The following BIN3 variants were observed in gnomAD, a reference collection of about 807,000 sequenced individuals.
The protein encoded by BIN3 is bridging integrator 3.
Under a neutral mutation model 38.2 loss-of-function variants are expected in BIN3, and 41 were observed. The observed-to-expected ratio is 1.07, with a 90% CI of 0.84 to 1.39. BIN3 has a LOEUF of 1.39. Ranked by LOEUF, BIN3 falls within the 40% of genes most tolerant of loss-of-function variation. BIN3 has a pLI of 0.00. For synonymous variants in BIN3, 145 were observed against 122.6 expected, an observed-to-expected ratio of 1.18 and a Z score of -1.21; for missense variants, 361 against 324.3, an observed-to-expected ratio of 1.11 and a Z score of -0.87.
At chr8:22,633,040 T>C (rs1319551222) in intron 4 of BIN3, among the ~76,000 whole-genome samples, 2 of 152,152 alleles carry the variant, frequency 1.3e-5, no homozygotes, top group Non-Finnish European at 2.9e-5. Flanking sequence ...TTCCTAAAGC[T>C]CTTGCATTGT....
chr8:22,661,126 C>T (rs1037903962), intron 1 of BIN3, among the ~76,000 whole-genome samples: 1 of 152,128 alleles, frequency 6.6e-6, no homozygotes, highest in Non-Finnish European at 1.5e-5. Context: ...CTCAAGCGAT[C>T]CTCCCGCCTT....
rs549429488 is a variant in BIN3, at chr8:22,642,731, G to A, written c.57+2024C>T. Among the ~76,000 whole-genome samples the A allele has an allele frequency of 5.3e-5, 8 of 152,326 alleles. No homozygotes were observed. The South Asian group carries it at 1.7e-3, about 32-fold the overall frequency. ...AAACGAGAAAATGAAGGCTCCAGAG[G>A]TTAAGGAACTTGCCCAAGGTCAGAG... is the stretch of plus-strand genomic sequence containing the variant. On this transcript the variant is annotated intron_variant, in intron 2 of 8. Coordinates refer to ENST00000276416, the MANE Select transcript of BIN3 (RefSeq NM_018688.6).
chr8:22,632,604 G>A (rs1308862608), intron 4 of BIN3, among the ~76,000 whole-genome samples: 1 of 151,670 alleles, frequency 6.6e-6, no homozygotes, highest in Non-Finnish European at 1.5e-5. Flanking sequence ...GGATAAAGCT[G>A]GAAATGTTTC....
chr8:22,640,101 AT>A (rs538639085), intron 2 of BIN3, among the ~76,000 whole-genome samples: 247 of 151,878 alleles, frequency 1.6e-3, no homozygotes, highest in African/African-American at 5.8e-3. Context: ...ACCTCAGGTG[AT>A]CCCCCCCGCC....
intron 1 of BIN3, among the ~76,000 whole-genome samples, chr8:22,655,042 T>C (rs1803013364): frequency 6.6e-6 from 1 of 152,246 alleles, no homozygotes. Flanking sequence ...CTGATGTGCA[T>C]TTCTCTAATG....
chr8:22,623,791 C>T, intron 8 of BIN3, 124 bp downstream of exon 8: 1 of 1,271,426 alleles, frequency 7.9e-7, no homozygotes. Flanking sequence ...TCCTTCAGGG[C>T]TTTGCCTGGG....
At chr8:22,630,114 G>A (rs1802141771) in intron 5 of BIN3, 110 bp from the exon 6 acceptor site, 2 of 1,210,684 alleles carry the variant, frequency 1.7e-6, no homozygotes, top group Non-Finnish European at 1.2e-6. Context: ...GCCACAGGGT[G>A]CTGTCCTTGT....
intron 2 of BIN3, among the ~76,000 whole-genome samples, chr8:22,640,108 C>G (rs1254971409): frequency 6.6e-6 from 1 of 152,074 alleles, no homozygotes; most frequent in Non-Finnish European, 1.5e-5. Context: ...GTGATCCCCC[C>G]CGCCTCGGCC....
intron 2 of BIN3, among the ~76,000 whole-genome samples, chr8:22,641,816 G>A (rs577897489): frequency 1.2e-3 from 180 of 152,172 alleles, no homozygotes; most frequent in Non-Finnish European, 1.9e-3. Flanking sequence ...GGGACACGAA[G>A]AGCAAAGCTT....
Position 22,621,328 on chromosome 8 carries a change from G to A in BIN3, c.*94C>T. The A allele has an allele frequency of 6.8e-7, 1 of 1,472,208 alleles. No individual in the cohort carries two copies. Among genetic ancestry groups the A allele is most frequent in the Non-Finnish European group, 9.1e-7 (1 of 1,099,230 alleles). The allele number at this position is 1,472,208 out of a possible 1,614,324, so 91.2% of individuals were successfully genotyped here. On this transcript the variant is annotated 3_prime_UTR_variant, in exon 9 of 9. Coordinates refer to ENST00000276416, the MANE Select transcript of BIN3 (RefSeq NM_018688.6). Reference sequence around the variant, plus strand: ...CGGCAAGTGAACCAGGGCCACCTCTGTCCCCAGCCTGTGAGAGGAGCAGCT... The same window carrying A: ...CGGCAAGTGAACCAGGGCCACCTCTATCCCCAGCCTGTGAGAGGAGCAGCT...
At chr8:22,623,824 G>A (rs1801918997) in intron 8 of BIN3, 91 bp downstream of exon 8, 5 of 1,466,240 alleles carry the variant, frequency 3.4e-6, no homozygotes, top group Non-Finnish European at 4.6e-6. Flanking sequence ...TCTTTACGGA[G>A]AATGGCTAAG....
intron 8 of BIN3, chr8:22,622,790 TGGAG>T (rs1801867997): frequency 6.6e-6 from 1 of 152,360 alleles, no homozygotes; most frequent in Admixed American, 6.5e-5. Flanking sequence ...ATGGGGCGGC[TGGAG>T]GGAGCCCTCG....
chr8:22,641,935 G>C (rs946418945), intron 2 of BIN3, among the ~76,000 whole-genome samples: 1 of 152,152 alleles, frequency 6.6e-6, no homozygotes, highest in Non-Finnish European at 1.5e-5. Flanking sequence ...AGGGGACTGG[G>C]TGGAAGGTTA....
chr8:22,664,331 A>G (rs1176273726), intron 1 of BIN3, among the ~76,000 whole-genome samples: 2 of 152,240 alleles, frequency 1.3e-5, no homozygotes, highest in Non-Finnish European at 2.9e-5. Flanking sequence ...GCAAGCTCAC[A>G]TACAGAATCT....
chr8:22,624,440 G>T, intron 6 of BIN3, 77 bp from the exon 7 acceptor site: 1 of 1,549,754 alleles, frequency 6.5e-7, no homozygotes, highest in Non-Finnish European at 8.7e-7. Flanking sequence ...CTCTTGGAGG[G>T]GTGGCCTGGC....
intron 1 of BIN3, among the ~76,000 whole-genome samples, chr8:22,660,537 C>T (rs1748685921): frequency 6.6e-6 from 1 of 152,170 alleles, no homozygotes; most frequent in Non-Finnish European, 1.5e-5. Context: ...CCCTAGAAAG[C>T]AAGAGGTAGA....
intron 1 of BIN3, among the ~76,000 whole-genome samples, chr8:22,662,631 C>T (rs1803270747): frequency 6.6e-6 from 1 of 152,132 alleles, no homozygotes; most frequent in Non-Finnish European, 1.5e-5. Context: ...GTTAGCTTAT[C>T]GTCTGAGTAT....
In BIN3 at chr8:22,630,596, T is replaced by C; in HGVS notation, c.161-18A>G. ...TGACATGGCTGTGGGAAGCCAAAGC[T>C]CGGTGAACCTTCTATGAAGGGGCAG... On this transcript the variant is annotated intron_variant, in intron 4 of 8. Coordinates refer to ENST00000276416, the MANE Select transcript of BIN3 (RefSeq NM_018688.6). 6.2e-7 allele frequency: 1 copy of C among 1,613,504 alleles called. No individual in the cohort carries two copies. The highest frequency in any genetic ancestry group is 8.5e-7 in the Non-Finnish European group (1 of 1,179,620).
intron 1 of BIN3, among the ~76,000 whole-genome samples, chr8:22,651,881 T>C (rs144341364): frequency 6.6e-6 from 1 of 152,334 alleles, no homozygotes; most frequent in Non-Finnish European, 1.5e-5. Context: ...TGTTGATTTC[T>C]TGTTTTCTGT....
Sources: gnomAD v4.1 joint callset for allele counts (sites outside exome capture counted in the v4.1 genomes callset) on GRCh38, gnomAD v4.1.1 for gene constraint, MANE v1.5 for transcripts, NCBI Gene and HGNC (gene_info 2026-07-23, HGNC 2026-07-21) for gene names.